Variants in TNFAIP8L3 observed in about 807,000 individuals in gnomAD.
The protein encoded by TNFAIP8L3 is TNF alpha induced protein 8 like 3.
In TNFAIP8L3, 7 loss-of-function variants were observed where a neutral mutation model predicts 11.8. The observed-to-expected ratio is 0.59, with a 90% CI of 0.34 to 1.11. The LOEUF is 1.11. TNFAIP8L3 is among the 50% of genes most tolerant of loss of function. The pLI, the probability that TNFAIP8L3 is intolerant of heterozygous loss-of-function variation, is 0.03. For missense variants in TNFAIP8L3, 219 were observed against 258.6 expected (o/e 0.85, Z 1.05); for synonymous variants, 98 against 103.8 (o/e 0.94, Z 0.34).
intron 1 of TNFAIP8L3, among the ~76,000 whole-genome samples, chr15:51,073,979 G>T (rs535612680): frequency 3.9e-5 from 6 of 152,148 alleles, no homozygotes; most frequent in Admixed American, 1.3e-4. Context: ...AAGACTTTTT[G>T]ATTTAAATCA....
intron 1 of TNFAIP8L3, among the ~76,000 whole-genome samples, chr15:51,103,140 C>T (rs749404105): frequency 2.6e-5 from 4 of 152,222 alleles, no homozygotes; most frequent in African/African-American, 9.7e-5. Context: ...TGTCCTTAAA[C>T]GGATCCCTCC....
At chr15:51,078,107 C>A (rs2065367653) in intron 1 of TNFAIP8L3, among the ~76,000 whole-genome samples, 1 of 152,110 alleles carries the variant, frequency 6.6e-6, no homozygotes, top group African/African-American at 2.4e-5. Flanking sequence ...AGTGATTGGG[C>A]AGCCCCGGAA....
In TNFAIP8L3 at chr15:51,094,851, A is replaced by T. The variant is rs932118347; in HGVS notation, c.-256T>A. On this transcript the variant is annotated 5_prime_UTR_variant, in exon 1 of 2. Transcript: ENST00000637513. The surrounding 1 kb of genome is among the most constrained non-coding windows in gnomAD (Gnocchi z 4.4). ...AGGGCGGAGGGTGGGGCGCTCCGGG[A>T]GACAGCCGGGAGGAGGGAGGGGAGG... 1 of 356,598 alleles carries T rather than the reference A, an allele frequency of 2.8e-6. No individual in the cohort carries two copies. The highest frequency in any genetic ancestry group is 3.9e-6 in the Non-Finnish European group (1 of 256,790). The allele number at this position is 356,598 out of a possible 1,614,324, so 22.1% of individuals were successfully genotyped here.
rs773639782 is a variant in TNFAIP8L3, at chr15:51,058,413, G to T, written c.83C>A (p.Ala28Glu). ...GPDVFSSKSLALQAQKKILSK... is the reference protein window; with the variant it reads ...GPDVFSSKSLELQAQKKILSK... Reference sequence around the variant, plus strand: ...CAGAATCTTCTTCTGGGCTTGAAGCGCAAGACTCTTTGAACTAAAAACATC... The same window carrying T: ...CAGAATCTTCTTCTGGGCTTGAAGCTCAAGACTCTTTGAACTAAAAACATC... Residue 28 changes from alanine to glutamate, a missense_variant, in exon 2 of 2, where the codon GCG (alanine) becomes GAG (glutamate). Transcript: ENST00000637513. The T allele has an allele frequency of 6.2e-7, 1 of 1,603,472 alleles. No individual in the cohort carries two copies.
chr15:51,099,596 T>C (rs1287660880), upstream of TNFAIP8L3, among the ~76,000 whole-genome samples: 1 of 152,156 alleles, frequency 6.6e-6, no homozygotes, highest in East Asian at 1.9e-4. Flanking sequence ...TGATCACACA[T>C]GGTGTGTGAT....
At chr15:51,072,055 C>T (rs952125997) in intron 1 of TNFAIP8L3, among the ~76,000 whole-genome samples, 4 of 152,162 alleles carry the variant, frequency 2.6e-5, no homozygotes, top group Non-Finnish European at 5.9e-5. Flanking sequence ...TGATTCTAAG[C>T]CTCTGCTGAT....
rs1419112971 is a variant in TNFAIP8L3, at chr15:51,094,801, C to A, written c.-206G>T. 3 of 712,052 alleles carry A rather than the reference C, an allele frequency of 4.2e-6. No homozygotes were observed. The highest frequency in any genetic ancestry group is 5.1e-6 in the Non-Finnish European group (3 of 582,728). The allele number at this position is 712,052 out of a possible 1,614,324, so 44.1% of individuals were successfully genotyped here. A position where few individuals can be genotyped will look rare whatever the true frequency, so the allele number is the denominator to read the frequency against. On this transcript the variant is annotated 5_prime_UTR_variant, in exon 1 of 2. Transcript: ENST00000637513. This position sits in a 1 kb window ranked among gnomAD's most constrained non-coding sequence, Gnocchi z 4.4. Reference sequence around the variant, plus strand: ...CGCCCCGCTCCCCGCGCCCGCCGGCCGGTGCCTGCGCGCGAGGCGAGCGCA... The same window carrying A: ...CGCCCCGCTCCCCGCGCCCGCCGGCAGGTGCCTGCGCGCGAGGCGAGCGCA...
At chr15:51,077,079 G>A (rs1001531144) in intron 1 of TNFAIP8L3, among the ~76,000 whole-genome samples, 3 of 152,150 alleles carry the variant, frequency 2.0e-5, no homozygotes, top group Non-Finnish European at 4.4e-5. Context: ...CGACCTTGGA[G>A]CCTCCAGCTT....
In TNFAIP8L3 at chr15:51,058,040, G is replaced by A. The variant is rs138297422; in HGVS notation, c.456C>T (p.His152=). ...TGCGCCCGTGGGTCCTGGGCGTCAG[G>A]TGCCGCTGCACCAGTTCATGCACCA... ...KDLVHELVQR[H]LTPRTHGRIN... The change falls in exon 2 of 2, where the codon CAC becomes CAT. Residue 152 remains histidine, a synonymous_variant. Transcript: ENST00000637513. 9.3e-5 allele frequency: 150 copies of A among 1,614,088 alleles called. No individual in the cohort carries two copies. Among genetic ancestry groups the A allele is most frequent in the South Asian group, 3.7e-4 (34 of 91,082 alleles).
At chr15:51,075,102 G>A (rs563894327) in intron 1 of TNFAIP8L3, among the ~76,000 whole-genome samples, 5 of 152,320 alleles carry the variant, frequency 3.3e-5, no homozygotes, top group South Asian at 2.1e-4. Flanking sequence ...TGATTTTAGC[G>A]TGTTTGTTCT....
At chr15:51,103,759 A>C (rs1314931714) in intron 1 of TNFAIP8L3, among the ~76,000 whole-genome samples, 1 of 152,022 alleles carries the variant, frequency 6.6e-6, no homozygotes, top group African/African-American at 2.4e-5. Context: ...AAACCCAGGA[A>C]CTCGGTTCAT....
At chr15:51,070,324 A>C (rs2065299992) in intron 1 of TNFAIP8L3, among the ~76,000 whole-genome samples, 1 of 152,224 alleles carries the variant, frequency 6.6e-6, no homozygotes, top group African/African-American at 2.4e-5. Flanking sequence ...TCTTTAAATG[A>C]AGCTTATTCA....
intron 1 of TNFAIP8L3, among the ~76,000 whole-genome samples, chr15:51,100,161 C>T (rs1318464167): frequency 6.6e-6 from 1 of 152,174 alleles, no homozygotes; most frequent in Non-Finnish European, 1.5e-5. Context: ...GTTGAGTATC[C>T]TCTGTGTTTC....
At chr15:51,095,278 AG>A (rs1299611462), upstream of TNFAIP8L3, among the ~76,000 whole-genome samples, 1 of 1,592 alleles carries the variant, frequency 6.3e-4, no homozygotes, top group African/African-American at 2.8e-3. Context: ...GAATAAGGGA[AG>A]GGGGCGGGGT....
Position 51,058,430 on chromosome 15 carries a change from A to C in TNFAIP8L3, c.66T>G (p.Phe22Leu). 2 of 1,570,732 alleles carry C rather than the reference A, an allele frequency of 1.3e-6. No homozygotes were observed. Among genetic ancestry groups the C allele is most frequent in the Non-Finnish European group, 1.7e-6 (2 of 1,167,038 alleles). Residue 22 changes from phenylalanine (F) to leucine (L), a missense_variant, in exon 2 of 2, where the codon TTT becomes TTG. By Grantham distance (22) the Phe-to-Leu change is conservative. Transcript: ENST00000637513. Reference sequence around the variant, plus strand: ...CTTGAAGCGCAAGACTCTTTGAACTAAAAACATCAGGACCTATGGTAAAAA... The same window carrying C: ...CTTGAAGCGCAAGACTCTTTGAACTCAAAACATCAGGACCTATGGTAAAAA... The part of the protein sequence containing the change: ...EPVTAAGPDV[F>L]SSKSLALQAQ...
intron 1 of TNFAIP8L3, among the ~76,000 whole-genome samples, chr15:51,059,099 G>C (rs916017675): frequency 2.0e-5 from 3 of 152,218 alleles, no homozygotes; most frequent in African/African-American, 7.2e-5. Context: ...AAAGTCAAGA[G>C]AAATTTTTGT....
chr15:51,075,333 C>T (rs921496675), intron 1 of TNFAIP8L3, among the ~76,000 whole-genome samples: 1 of 152,172 alleles, frequency 6.6e-6, no homozygotes, highest in South Asian at 2.1e-4. Flanking sequence ...AGGGATTGCC[C>T]ACCATGCTCT....
At position 51,057,812 on chromosome 15, in the gene TNFAIP8L3, G is replaced by T; in HGVS notation, c.*69C>A. ...GACAAGGGTTTCTGCTTATGTTCTT[G>T]ATTCTCACCCAGATCATGGTTGAGT... On this transcript the variant is annotated 3_prime_UTR_variant, in exon 2 of 2. Transcript: ENST00000637513. 1 of 1,345,600 alleles carries T rather than the reference G, an allele frequency of 7.4e-7. No individual in the cohort carries two copies. Among genetic ancestry groups the T allele is most frequent in the Non-Finnish European group, 1.0e-6 (1 of 982,430 alleles). 83.4% of individuals were successfully genotyped at this position (1,345,600 alleles called of 1,614,324 possible). A position where few individuals can be genotyped will look rare whatever the true frequency, so the allele number is the denominator to read the frequency against.
Position 51,057,919 on chromosome 15 carries a change from C to T in TNFAIP8L3, c.577G>A (p.Glu193Lys). The T allele has an allele frequency of 6.3e-7, 1 of 1,596,924 alleles. No homozygotes were observed. The highest frequency in any genetic ancestry group is 8.5e-7 in the Non-Finnish European group (1 of 1,173,098). Reference sequence around the variant, plus strand: ...TCATCTAGCAACTTATTGATTCCTTCACAAATCCTCTTGAGGTTGGGCCTA... The same window carrying T: ...TCATCTAGCAACTTATTGATTCCTTTACAAATCCTCTTGAGGTTGGGCCTA... ...DCRPNLKRIC[E>K]GINKLLDEKV... The change falls in exon 2 of 2, where the codon GAA becomes AAA. Residue 193 changes from glutamate to lysine, a missense_variant. Physicochemically the swap from Glu to Lys is moderately conservative, Grantham distance 56. Transcript: ENST00000637513.
Sources: gnomAD v4.1 joint callset for allele counts (sites outside exome capture counted in the v4.1 genomes callset) on GRCh38, gnomAD v4.1.1 for gene constraint, Gnocchi (gnomAD v3.1) non-coding constraint, MANE v1.5 for transcripts, NCBI Gene and HGNC (gene_info 2026-07-23, HGNC 2026-07-21) for gene names.